SV2C: variants seen among roughly 807,000 people sequenced by gnomAD.
SV2C encodes the protein solute carrier family 22 member B3.
Under a neutral mutation model 79.7 loss-of-function variants are expected in SV2C, and 49 were observed. The ratio of observed to expected loss-of-function variants is 0.61; its 90% CI spans 0.49 to 0.78. The LOEUF (loss-of-function observed/expected upper bound fraction) is 0.78. Ranked by LOEUF, SV2C falls within the 30% of genes least tolerant of loss-of-function variation. The pLI is 0.00. For synonymous variants in SV2C, 334 were observed against 333.2 expected, an observed-to-expected ratio of 1.00 and a Z score of -0.03; for missense variants, 833 against 912.9, an observed-to-expected ratio of 0.91 and a Z score of 1.13.
At chr5:75,994,184 C>T in the SV2C span, among the ~76,000 whole-genome samples, 23 of 151,930 alleles carry the variant, frequency 1.5e-4, no homozygotes, top group Non-Finnish European at 2.6e-4. Context: ...AATTTAAAAA[C>T]GTAAATCATG....
the SV2C span, among the ~76,000 whole-genome samples, chr5:76,074,211 G>A: frequency 2.6e-5 from 4 of 152,158 alleles, no homozygotes; most frequent in East Asian, 7.7e-4. Flanking sequence ...GGTAAATTGT[G>A]CTTCTTCTGG....
chr5:76,197,707 C>CAGATAGATAGATAGATAGATAGATAGAT (rs4026946), intron 3 of SV2C, among the ~76,000 whole-genome samples: 21,103 of 145,352 alleles, frequency 0.15, 1,818 homozygotes, highest in African/African-American at 0.18. Context: ...GATAGACAGG[C>CAGATAGATAGATAGATAGATAGATAGAT]AGATAGATAG....
chr5:76,209,931 G>A, intron 4 of SV2C, 44 bp downstream of exon 4: 2 of 1,566,736 alleles, frequency 1.3e-6, no homozygotes, highest in South Asian at 1.2e-5. Context: ...ACTTCATTTT[G>A]CTTCAGGCTC....
the SV2C span, among the ~76,000 whole-genome samples, chr5:75,883,454 A>T: frequency 7.1e-6 from 1 of 141,682 alleles, no homozygotes. Context: ...ATGTCCAACG[A>T]TAGACTGGAT....
At chr5:76,250,493 C>T (rs1301458956) in intron 4 of SV2C, among the ~76,000 whole-genome samples, 2 of 152,180 alleles carry the variant, frequency 1.3e-5, no homozygotes, top group Non-Finnish European at 2.9e-5. Context: ...TGAGCCACTG[C>T]TTTCCACCCG....
At chr5:76,270,618 G>A (rs1746816316) in intron 4 of SV2C, among the ~76,000 whole-genome samples, 1 of 152,104 alleles carries the variant, frequency 6.6e-6, no homozygotes, top group Non-Finnish European at 1.5e-5. Context: ...AATAGCTTGG[G>A]GACATATCTA....
the SV2C span, among the ~76,000 whole-genome samples, chr5:76,054,156 C>G: frequency 5.9e-5 from 9 of 152,202 alleles, no homozygotes; most frequent in African/African-American, 2.2e-4. Flanking sequence ...ACCCACCCCC[C>G]TGACAGGCCC....
the SV2C span, among the ~76,000 whole-genome samples, chr5:76,011,515 C>T: frequency 2.0e-5 from 3 of 152,060 alleles, no homozygotes; most frequent in South Asian, 2.1e-4. Flanking sequence ...TCAGATCCAA[C>T]CTCTTTTCAT....
chr5:75,947,806 G>A, the SV2C span, among the ~76,000 whole-genome samples: 32 of 151,494 alleles, frequency 2.1e-4, no homozygotes, highest in Admixed American at 2.0e-4. Context: ...AATCACCCTC[G>A]GCATTATTGG....
At chr5:75,985,286 C>A in the SV2C span, among the ~76,000 whole-genome samples, 1 of 151,948 alleles carries the variant, frequency 6.6e-6, no homozygotes, top group Non-Finnish European at 1.5e-5. Context: ...TTAATCTATT[C>A]ATGAGGGATC....
chr5:76,244,087 C>A (rs1029464370), intron 4 of SV2C, among the ~76,000 whole-genome samples: 1 of 152,202 alleles, frequency 6.6e-6, no homozygotes, highest in Admixed American at 6.5e-5. Flanking sequence ...TAGCTCCTTA[C>A]ACTGATTTAT....
the SV2C span, among the ~76,000 whole-genome samples, chr5:76,023,129 T>G: frequency 1.6e-4 from 24 of 152,318 alleles, no homozygotes; most frequent in South Asian, 4.1e-4. Context: ...GGTTCTATTC[T>G]TGGAATAGCT....
the SV2C span, among the ~76,000 whole-genome samples, chr5:75,900,186 T>G: frequency 6.6e-6 from 1 of 152,232 alleles, no homozygotes. Context: ...TTCCATGATT[T>G]TGCAGTGGCT....
At chr5:76,128,092 A>G (rs1275181727) in intron 1 of SV2C, among the ~76,000 whole-genome samples, 5 of 152,180 alleles carry the variant, frequency 3.3e-5, no homozygotes, top group Middle Eastern at 3.2e-3. Flanking sequence ...GAAGGTGGTT[A>G]TTATTACCCT....
chr5:75,948,094 G>A, the SV2C span, among the ~76,000 whole-genome samples: 1 of 152,020 alleles, frequency 6.6e-6, no homozygotes, highest in Non-Finnish European at 1.5e-5. Flanking sequence ...ATCCTGTCCT[G>A]TTATAGCATC....
At chr5:76,250,355 T>C (rs1046214142) in intron 4 of SV2C, among the ~76,000 whole-genome samples, 30 of 152,262 alleles carry the variant, frequency 2.0e-4, no homozygotes, top group African/African-American at 7.2e-4. Flanking sequence ...ATTAGGGCTC[T>C]CAGCAATGTC....
At chr5:76,144,948 T>A (rs1187147084) in intron 2 of SV2C, among the ~76,000 whole-genome samples, 4 of 152,208 alleles carry the variant, frequency 2.6e-5, no homozygotes, top group Non-Finnish European at 5.9e-5. Flanking sequence ...TGACCCAGAA[T>A]AATAGAATTG....
At chr5:75,943,275 T>C in the SV2C span, among the ~76,000 whole-genome samples, 1 of 152,196 alleles carries the variant, frequency 6.6e-6, no homozygotes, top group African/African-American at 2.4e-5. Flanking sequence ...AACTGGCAAC[T>C]GGCTTTTAAA....
At chr5:75,997,584 GA>G in the SV2C span, among the ~76,000 whole-genome samples, 1 of 152,178 alleles carries the variant, frequency 6.6e-6, no homozygotes, top group Non-Finnish European at 1.5e-5. Flanking sequence ...AAACACACAT[GA>G]AAAAATGCTC....
Sources: gnomAD v4.1 joint callset for allele counts (sites outside exome capture counted in the v4.1 genomes callset) on GRCh38, gnomAD v4.1.1 for gene constraint, MANE v1.5 for transcripts, NCBI Gene and HGNC (gene_info 2026-07-23, HGNC 2026-07-21) for gene names.